GNAO1: variants seen among roughly 807,000 people sequenced by gnomAD.
The protein encoded by GNAO1 is guanine nucleotide-binding protein G(o) subunit alpha.
For synonymous variants in GNAO1, 164 were observed against 180.7 expected (o/e 0.91, Z 0.74); for missense variants, 166 against 478.7 (o/e 0.35, Z 6.10).
intron 2 of GNAO1, among the ~76,000 whole-genome samples, chr16:56,231,435 G>A (rs1393677894): frequency 6.6e-6 from 1 of 152,102 alleles, no homozygotes; most frequent in Non-Finnish European, 1.5e-5. Flanking sequence ...TCCTGTATTT[G>A]TGTGTTCATT....
intron 6 of GNAO1, chr16:56,340,802 C>T (rs774480032): frequency 1.4e-5 from 22 of 1,602,974 alleles, no homozygotes; most frequent in Non-Finnish European, 1.8e-5. Context: ...TGGATGCTGC[C>T]GCCCCTCACT....
At chr16:56,329,613 A>T (rs562503837) in intron 4 of GNAO1, among the ~76,000 whole-genome samples, 1 of 152,280 alleles carries the variant, frequency 6.6e-6, no homozygotes, top group Admixed American at 6.5e-5. Flanking sequence ...TGTCATGGAG[A>T]TACTGGGATT....
intron 2 of GNAO1, among the ~76,000 whole-genome samples, chr16:56,210,216 C>G (rs2036373807): frequency 6.6e-6 from 1 of 152,154 alleles, no homozygotes; most frequent in South Asian, 2.1e-4. Flanking sequence ...ATATGTAAGG[C>G]CCCTCCATGT....
At chr16:56,215,424 G>GA (rs2036429141) in intron 2 of GNAO1, among the ~76,000 whole-genome samples, 1 of 152,204 alleles carries the variant, frequency 6.6e-6, no homozygotes, top group Non-Finnish European at 1.5e-5. Flanking sequence ...TTGAAGAGAA[G>GA]CGGTTTCAGC....
Position 56,356,374 on chromosome 16 carries a change from G to A in GNAO1, c.*300G>A, listed in dbSNP as rs1477216030. Reference sequence around the variant, plus strand: ...CATTTCATCCATATTTCTTTTTCTTGCAAAACAAACATACCCATCTGCACC... The same window carrying A: ...CATTTCATCCATATTTCTTTTTCTTACAAAACAAACATACCCATCTGCACC... On this transcript the variant is annotated 3_prime_UTR_variant, in exon 9 of 9. Coordinates refer to ENST00000262493, the MANE Select transcript of GNAO1 (RefSeq NM_020988.3). 2.0e-5 allele frequency: 3 copies of A among 152,582 alleles called. No individual in the cohort carries two copies. Among genetic ancestry groups the A allele is most frequent in the African/African-American group, 7.2e-5 (3 of 41,446 alleles). 9.5% of individuals were successfully genotyped at this position (152,582 alleles called of 1,614,324 possible). A position where few individuals can be genotyped will look rare whatever the true frequency, so the allele number is the denominator to read the frequency against.
At position 56,304,002 on chromosome 16, in the gene GNAO1, T is replaced by C. The variant is rs1006794508; in HGVS notation, c.304-24629T>C. On this transcript the variant is annotated intron_variant, in intron 3 of 8. Transcript: ENST00000262493. ...CCCCTACTTCATTGCTTTTTAGATC[T>C]TTCCCTACCAAGCCCTACCAAGTTC... 3.3e-5 allele frequency among the ~76,000 whole-genome samples: 5 copies of C among 152,242 alleles called. No individual in the cohort carries two copies. In the East Asian group the frequency reaches 9.6e-4, roughly 29 times the overall value.
chr16:56,261,042 C>G (rs1221571880), intron 2 of GNAO1, among the ~76,000 whole-genome samples: 1 of 152,194 alleles, frequency 6.6e-6, no homozygotes, highest in Non-Finnish European at 1.5e-5. Context: ...GGACCTGACC[C>G]AATGCAGACA....
At chr16:56,192,722 T>G (rs2036189355) in intron 2 of GNAO1, 106 bp downstream of exon 2, 7 of 641,104 alleles carry the variant, frequency 1.1e-5, no homozygotes, top group Admixed American at 6.8e-5. Context: ...GTTTTTTAAT[T>G]CGTGCACACA....
intron 2 of GNAO1, among the ~76,000 whole-genome samples, chr16:56,275,340 C>G (rs1384230810): frequency 6.6e-6 from 1 of 152,210 alleles, no homozygotes; most frequent in Non-Finnish European, 1.5e-5. Flanking sequence ...TTCTTTGTCC[C>G]TGTTCAGATC....
chr16:56,291,180 G>A (rs2037229035), intron 3 of GNAO1, among the ~76,000 whole-genome samples: 4 of 152,170 alleles, frequency 2.6e-5, no homozygotes, highest in Non-Finnish European at 4.4e-5. Context: ...TTGACTTTCT[G>A]AGGAACCATC....
chr16:56,336,029 G>A (rs997530526), intron 5 of GNAO1, among the ~76,000 whole-genome samples: 11 of 152,166 alleles, frequency 7.2e-5, no homozygotes, highest in Non-Finnish European at 1.2e-4. Context: ...GGAGGCTACA[G>A]GACTCCTCGC....
At chr16:56,272,145 T>C (rs1391435460) in intron 2 of GNAO1, among the ~76,000 whole-genome samples, 2 of 152,070 alleles carry the variant, frequency 1.3e-5, no homozygotes, top group Admixed American at 1.3e-4. Context: ...CCGTCTCTAC[T>C]AAAAATACAA....
At chr16:56,261,999 T>C (rs2036907962) in intron 2 of GNAO1, among the ~76,000 whole-genome samples, 1 of 152,244 alleles carries the variant, frequency 6.6e-6, no homozygotes, top group African/African-American at 2.4e-5. Flanking sequence ...CAGGCATGGC[T>C]GGATCCACAT....
intron 2 of GNAO1, among the ~76,000 whole-genome samples, chr16:56,237,411 G>T (rs139535326): frequency 3.3e-4 from 50 of 152,284 alleles, no homozygotes; most frequent in Middle Eastern, 6.8e-3. Context: ...AACTACGGCT[G>T]TGCAGAGCAA....
At chr16:56,259,396 T>C (rs576830888) in intron 2 of GNAO1, among the ~76,000 whole-genome samples, 6,542 of 152,280 alleles carry the variant, frequency 0.043, 303 homozygotes, top group African/African-American at 0.11. Flanking sequence ...AAATTATGTG[T>C]ATTCTACCCC....
At chr16:56,194,104 G>A in intron 2 of GNAO1, 1 of 456,646 alleles carries the variant, frequency 2.2e-6, no homozygotes, top group South Asian at 1.5e-5. Flanking sequence ...ATGGTAGGGA[G>A]TAGCGACTCG....
At chr16:56,299,802 T>C (rs1179371356) in intron 3 of GNAO1, among the ~76,000 whole-genome samples, 8 of 152,134 alleles carry the variant, frequency 5.3e-5, no homozygotes, top group Admixed American at 5.2e-4. Context: ...TGGAAATAGT[T>C]CCACAAGCCA....
chr16:56,288,645 G>T (rs1471191978), intron 3 of GNAO1, among the ~76,000 whole-genome samples: 1 of 152,200 alleles, frequency 6.6e-6, no homozygotes, highest in Admixed American at 6.5e-5. Context: ...TGGCCAGCGT[G>T]GGGGCCGGTC....
At chr16:56,312,680 A>G (rs1229825051) in intron 3 of GNAO1, among the ~76,000 whole-genome samples, 1 of 152,268 alleles carries the variant, frequency 6.6e-6, no homozygotes, top group East Asian at 1.9e-4. Context: ...ACCCATGAGA[A>G]GGTCTCCTGA....
Sources: allele counts gnomAD v4.1 joint callset (sites outside exome capture counted in the v4.1 genomes callset), GRCh38; gene constraint gnomAD v4.1.1; transcripts MANE v1.5; gene names NCBI Gene and HGNC (gene_info 2026-07-23, HGNC 2026-07-21).